FBXL17: variants seen among roughly 807,000 people sequenced by gnomAD.
FBXL17 encodes F-box/LRR-repeat protein 17.
FBXL17 carries 22 observed loss-of-function variants against 66.2 expected under a neutral mutation model. The ratio of observed to expected loss-of-function variants is 0.33; its 90% CI spans 0.24 to 0.47. The LOEUF is 0.47. Among genes scored for constraint, FBXL17 ranks in the 20% least tolerant of loss-of-function variants. The pLI is 1.00. For missense variants in FBXL17, 878 were observed against 948.2 expected (o/e 0.93, Z 0.97); for synonymous variants, 474 against 400.5 (o/e 1.18, Z -2.19).
chr5:108,366,394 G>C (rs1748666098), intron 2 of FBXL17, among the ~76,000 whole-genome samples: 1 of 151,818 alleles, frequency 6.6e-6, no homozygotes, highest in African/African-American at 2.4e-5. Context: ...TAGAAGGAAA[G>C]AACTACACTG....
At chr5:107,873,069 T>C (rs891450497) in intron 8 of FBXL17, among the ~76,000 whole-genome samples, 2 of 152,116 alleles carry the variant, frequency 1.3e-5, no homozygotes, top group South Asian at 2.1e-4. Context: ...GGGATGGAAA[T>C]AGATCATAAC....
chr5:108,250,079 C>T (rs985205943), intron 4 of FBXL17, among the ~76,000 whole-genome samples: 1 of 152,082 alleles, frequency 6.6e-6, no homozygotes, highest in Non-Finnish European at 1.5e-5. Flanking sequence ...GTTTAAAAGC[C>T]AGGAAATTTA....
intron 3 of FBXL17, among the ~76,000 whole-genome samples, chr5:108,361,456 C>T (rs1015442385): frequency 6.6e-6 from 1 of 152,118 alleles, no homozygotes; most frequent in Admixed American, 6.6e-5. Context: ...CCTGCTTGTA[C>T]TGGACCTAGC....
At chr5:108,123,109 T>C (rs1272464783) in intron 6 of FBXL17, among the ~76,000 whole-genome samples, 1 of 151,116 alleles carries the variant, frequency 6.6e-6, no homozygotes, top group Non-Finnish European at 1.5e-5. Context: ...GTTTTTCTTT[T>C]TCTTGTTGTG....
intron 6 of FBXL17, among the ~76,000 whole-genome samples, chr5:108,125,151 A>C (rs1433694485): frequency 1.3e-5 from 2 of 152,022 alleles, no homozygotes; most frequent in African/African-American, 4.8e-5. Flanking sequence ...AAAGACATAC[A>C]AATTTAAGCA....
chr5:108,118,317 G>A (rs970312879), intron 6 of FBXL17, among the ~76,000 whole-genome samples: 7 of 152,106 alleles, frequency 4.6e-5, no homozygotes, highest in Non-Finnish European at 8.8e-5. Context: ...AATTCAACAT[G>A]TTCAAAACTG....
rs189544562 is a variant in FBXL17 at position 108,288,068 on chromosome 5, A to G, written c.1506+60331T>C. ...TATAAGTGGGAGATAACCACTGAGT[A>G]CATATGAACATTAAGAAGAGAACAG... On this transcript the variant is annotated intron_variant, in intron 4 of 8. Coordinates refer to ENST00000542267, the MANE Select transcript of FBXL17 (RefSeq NM_001163315.3). Among the ~76,000 whole-genome samples, 38 of 152,162 alleles carry G rather than the reference A, an allele frequency of 2.5e-4. No homozygotes were observed. The East Asian group carries it at 7.1e-3, about 29-fold the overall frequency.
intron 6 of FBXL17, among the ~76,000 whole-genome samples, chr5:108,025,733 A>ATG (rs1561373901): frequency 2.1e-5 from 3 of 144,888 alleles, no homozygotes; most frequent in East Asian, 2.0e-4. Flanking sequence ...GCGCGCACAC[A>ATG]CACACACACA....
At chr5:108,116,754 T>C (rs201119956) in intron 6 of FBXL17, among the ~76,000 whole-genome samples, 1 of 135,190 alleles carries the variant, frequency 7.4e-6, no homozygotes, top group South Asian at 2.5e-4. Context: ...GTGCACATAA[T>C]TTCTTATCAC....
chr5:108,229,802 C>T (rs1347315747), intron 4 of FBXL17, among the ~76,000 whole-genome samples: 3 of 152,024 alleles, frequency 2.0e-5, no homozygotes, highest in Non-Finnish European at 2.9e-5. Context: ...GGGAGAAAAT[C>T]TTCAAAATCT....
intron 6 of FBXL17, among the ~76,000 whole-genome samples, chr5:108,115,542 T>C (rs1036634890): frequency 6.6e-6 from 1 of 151,116 alleles, no homozygotes; most frequent in Admixed American, 6.6e-5. Flanking sequence ...GGACACTAGA[T>C]AGAAGTGGTC....
intron 6 of FBXL17, among the ~76,000 whole-genome samples, chr5:108,088,028 C>G (rs1029969074): frequency 4.0e-5 from 6 of 151,896 alleles, no homozygotes; most frequent in African/African-American, 7.3e-5. Context: ...CATGTATAAT[C>G]TGGGTAAGAT....
At chr5:108,031,975 G>A (rs555290073) in intron 6 of FBXL17, among the ~76,000 whole-genome samples, 5 of 152,140 alleles carry the variant, frequency 3.3e-5, no homozygotes, top group South Asian at 2.1e-4. Context: ...ATTTCATAAC[G>A]TTTGCAAAGA....
At chr5:108,353,503 A>T (rs181155732) in intron 3 of FBXL17, among the ~76,000 whole-genome samples, 1 of 152,320 alleles carries the variant, frequency 6.6e-6, no homozygotes, top group African/African-American at 2.4e-5. Flanking sequence ...ACTGGAGAGA[A>T]ATCACCTCAT....
At chr5:108,280,785 T>C (rs955339139) in intron 4 of FBXL17, among the ~76,000 whole-genome samples, 2 of 150,378 alleles carry the variant, frequency 1.3e-5, no homozygotes, top group Non-Finnish European at 3.0e-5. Flanking sequence ...TGACCTTACC[T>C]ATAAAGACAC....
At chr5:108,040,899 C>G (rs1229584018) in intron 6 of FBXL17, among the ~76,000 whole-genome samples, 1 of 152,002 alleles carries the variant, frequency 6.6e-6, no homozygotes, top group Admixed American at 6.6e-5. Flanking sequence ...AATAAAACAG[C>G]TATAAAAATC....
intron 7 of FBXL17, among the ~76,000 whole-genome samples, chr5:107,991,385 T>C (rs1465342296): frequency 1.3e-5 from 2 of 152,164 alleles, no homozygotes; most frequent in Non-Finnish European, 2.9e-5. Flanking sequence ...ATATCCTCTT[T>C]TGGGGGGTGG....
intron 3 of FBXL17, among the ~76,000 whole-genome samples, chr5:108,350,941 G>T (rs78940116): frequency 0.016 from 2,380 of 152,188 alleles, 59 homozygotes; most frequent in African/African-American, 0.054. Flanking sequence ...TAAGGATAAC[G>T]GTCGTAAGAT....
intron 7 of FBXL17, among the ~76,000 whole-genome samples, chr5:107,982,140 G>C (rs569663624): frequency 2.0e-5 from 3 of 151,972 alleles, no homozygotes; most frequent in African/African-American, 7.3e-5. Flanking sequence ...TAAGCACAAA[G>C]GTAAAAGATA....
Sources: gnomAD v4.1 joint callset for allele counts (sites outside exome capture counted in the v4.1 genomes callset) on GRCh38, gnomAD v4.1.1 for gene constraint, MANE v1.5 for transcripts, NCBI Gene and HGNC (gene_info 2026-07-23, HGNC 2026-07-21) for gene names.